Variants in PCDH15 observed in about 807,000 individuals in gnomAD.
The protein encoded by PCDH15 is protocadherin related 15.
PCDH15 carries 129 observed loss-of-function variants against 178.5 expected under a neutral mutation model. That is an observed-to-expected ratio of 0.72 (90% CI 0.63 to 0.84). The LOEUF (loss-of-function observed/expected upper bound fraction) is 0.84. PCDH15 is among the 40% of genes least tolerant of loss of function. The pLI is 0.00. For missense variants in PCDH15, 2,230 were observed against 2,099.9 expected, an observed-to-expected ratio of 1.06 and a Z score of -1.21; for synonymous variants, 800 against 732.0, an observed-to-expected ratio of 1.09 and a Z score of -1.50.
At chr10:54,291,686 T>A (rs191772490) in intron 8 of PCDH15, among the ~76,000 whole-genome samples, 1 of 152,050 alleles carries the variant, frequency 6.6e-6, no homozygotes, top group Non-Finnish European at 1.5e-5. Context: ...GAGAATAGTA[T>A]AAATACCTCT....
chr10:54,919,050 T>A (rs1357164647), intron 2 of PCDH15, among the ~76,000 whole-genome samples: 1 of 152,192 alleles, frequency 6.6e-6, no homozygotes, highest in Non-Finnish European at 1.5e-5. Context: ...TTAAATGCTG[T>A]TGCTTTCTCA....
chr10:54,183,171 G>A (rs1469438585), intron 13 of PCDH15, among the ~76,000 whole-genome samples: 1 of 152,112 alleles, frequency 6.6e-6, no homozygotes, highest in Non-Finnish European at 1.5e-5. Flanking sequence ...AGTAGAGACA[G>A]CGTTGGTCAG....
At chr10:54,599,797 G>A (rs2134060093) in intron 2 of PCDH15, 1 of 560,996 alleles carries the variant, frequency 1.8e-6, no homozygotes, top group Non-Finnish European at 3.3e-6. Flanking sequence ...GGGAGGATCT[G>A]AGAAGGAAGC....
intron 3 of PCDH15, among the ~76,000 whole-genome samples, chr10:54,823,691 T>C (rs1020040913): frequency 2.6e-5 from 4 of 152,096 alleles, no homozygotes; most frequent in Non-Finnish European, 4.4e-5. Flanking sequence ...ATAAGCCAAG[T>C]GATAACAAAT....
chr10:54,709,244 C>T (rs1260776431), intron 1 of PCDH15, among the ~76,000 whole-genome samples: 1 of 150,996 alleles, frequency 6.6e-6, no homozygotes, highest in Non-Finnish European at 1.5e-5. Flanking sequence ...GAAACTTAAT[C>T]ACATCGTATA....
upstream of PCDH15, among the ~76,000 whole-genome samples, chr10:54,803,872 TA>T (rs1007749150): frequency 4.0e-4 from 61 of 152,320 alleles, no homozygotes; most frequent in Middle Eastern, 3.4e-3. Context: ...TAAAAAATTT[TA>T]AAAGTCACAT....
chr10:53,844,082 TAAGAA>T (rs1188383889), intron 28 of PCDH15, among the ~76,000 whole-genome samples: 2 of 151,634 alleles, frequency 1.3e-5, no homozygotes, highest in Non-Finnish European at 3.0e-5. Context: ...ATGAGTGTTC[TAAGAA>T]AAGAGAATTG....
chr10:55,286,299 C>A (rs570961359), intron 1 of PCDH15, among the ~76,000 whole-genome samples: 1 of 151,782 alleles, frequency 6.6e-6, no homozygotes, highest in African/African-American at 2.4e-5. Flanking sequence ...TATCTAATTG[C>A]TAATTCATAT....
At chr10:55,190,308 C>T (rs578185229) in intron 1 of PCDH15, among the ~76,000 whole-genome samples, 1 of 150,610 alleles carries the variant, frequency 6.6e-6, no homozygotes, top group African/African-American at 2.5e-5. Context: ...ATATATTGAT[C>T]CCAGTAGTGT....
chr10:54,905,209 TATCAA>T (rs1419367317), intron 2 of PCDH15, among the ~76,000 whole-genome samples: 1 of 151,686 alleles, frequency 6.6e-6, no homozygotes, highest in Non-Finnish European at 1.5e-5. Context: ...AGAAGAATAA[TATCAA>T]AAGTATTTCT....
chr10:53,879,952 G>GT (rs1329086474), intron 26 of PCDH15, among the ~76,000 whole-genome samples: 3 of 152,152 alleles, frequency 2.0e-5, no homozygotes, highest in African/African-American at 7.2e-5. Flanking sequence ...GCGGCTAGCC[G>GT]TAACTTTATA....
At chr10:53,810,402 A>G in intron 37 of PCDH15, 154 bp downstream of exon 37, 1 of 612,272 alleles carries the variant, frequency 1.6e-6, no homozygotes, top group South Asian at 2.1e-5. Flanking sequence ...AGACAAGGCA[A>G]TGAAACGGTC....
At chr10:55,106,635 C>T (rs771670742) in intron 2 of PCDH15, among the ~76,000 whole-genome samples, 2 of 152,016 alleles carry the variant, frequency 1.3e-5, no homozygotes, top group African/African-American at 2.4e-5. Context: ...AGGCTGGTCT[C>T]GAACTCCTGA....
intron 2 of PCDH15, among the ~76,000 whole-genome samples, chr10:55,402,898 T>C (rs1473010452): frequency 6.6e-6 from 1 of 152,022 alleles, no homozygotes; most frequent in African/African-American, 2.4e-5. Flanking sequence ...AAAACAACCA[T>C]ACTGTTTTCC....
chr10:55,561,490 TA>T (rs1842198743), intron 2 of PCDH15, among the ~76,000 whole-genome samples: 1 of 151,926 alleles, frequency 6.6e-6, no homozygotes, highest in Non-Finnish European at 1.5e-5. Flanking sequence ...ATGATAATAA[TA>T]TTTTTTCAGG....
chr10:54,967,883 G>A (rs565652157), intron 2 of PCDH15, among the ~76,000 whole-genome samples: 1 of 151,910 alleles, frequency 6.6e-6, no homozygotes, highest in Admixed American at 6.6e-5. Flanking sequence ...ACTTTCTTCT[G>A]TGTGTGCACC....
At chr10:55,161,012 C>A (rs552441656) in intron 2 of PCDH15, among the ~76,000 whole-genome samples, 30 of 152,202 alleles carry the variant, frequency 2.0e-4, no homozygotes, top group Middle Eastern at 3.4e-3. Flanking sequence ...CATATTATTA[C>A]GTGCAGTAGA....
At chr10:54,827,167 C>A (rs939241229) in intron 3 of PCDH15, among the ~76,000 whole-genome samples, 2 of 152,090 alleles carry the variant, frequency 1.3e-5, no homozygotes, top group Non-Finnish European at 1.5e-5. Flanking sequence ...GCTGCTCTAA[C>A]AGGACAGTGA....
At chr10:55,472,465 C>CTTTTTTT in intron 2 of PCDH15, among the ~76,000 whole-genome samples, 1 of 99,768 alleles carries the variant, frequency 1.0e-5, no homozygotes, top group Non-Finnish European at 2.0e-5. Flanking sequence ...TTTGAATTAG[C>CTTTTTTT]TTTTTTTTTT....
Sources: gnomAD v4.1 joint callset for allele counts (sites outside exome capture counted in the v4.1 genomes callset) on GRCh38, gnomAD v4.1.1 for gene constraint, MANE v1.5 for transcripts, NCBI Gene and HGNC (gene_info 2026-07-23, HGNC 2026-07-21) for gene names.